The following AAAS variants were observed in gnomAD, a reference collection of about 807,000 sequenced individuals.
AAAS encodes the protein aladin WD repeat nucleoporin, also known as aladin.
AAAS carries 60 observed loss-of-function variants against 75.6 expected under a neutral mutation model. The observed-to-expected ratio is 0.79, with a 90% CI of 0.64 to 0.98. The LOEUF (loss-of-function observed/expected upper bound fraction) is 0.98, where lower values mean the gene tolerates loss of function less well. Among genes scored for constraint, AAAS ranks in the 50% least tolerant of loss-of-function variants. The probability of loss-of-function intolerance (pLI) is 0.00; values close to 1 mark genes in which losing one functional copy is unlikely to be tolerated. For synonymous variants in AAAS, 271 were observed against 265.0 expected (o/e 1.02, Z -0.22); for missense variants, 658 against 686.9 (o/e 0.96, Z 0.47).
chr12:53,314,879 T>C (rs769639208), intron 5 of AAAS, 30 bp from the exon 6 acceptor site: 1 of 1,596,250 alleles, frequency 6.3e-7, no homozygotes, highest in Admixed American at 1.7e-5. Context: ...GAAGAGTTCC[T>C]GCACCTATCC....
Position 53,309,274 on chromosome 12 carries a change from T to C in AAAS, c.818A>G (p.Asp273Gly), listed in dbSNP as rs372465790. 3.1e-6 allele frequency: 5 copies of C among 1,613,752 alleles called. No individual in the cohort carries two copies. In the African/African-American group the frequency reaches 6.7e-5, roughly 22 times the overall value. The change falls in exon 9 of 16, where the codon GAT (aspartate) becomes GGT (glycine). Residue 273 changes from aspartate to glycine, a missense_variant. Coordinates refer to ENST00000209873, the MANE Select transcript of AAAS (RefSeq NM_015665.6). Reference sequence around the variant, plus strand: ...GGGGACACAGGTCTCTGTTGAGACATCCCATACCTAGGAGAGTGGGGCAGG... The same window carrying C: ...GGGGACACAGGTCTCTGTTGAGACACCCCATACCTAGGAGAGTGGGGCAGG... ...SPVDAAIRVWDVSTETCVPLP... is the reference protein window; with the variant it reads ...SPVDAAIRVWGVSTETCVPLP...
intron 8 of AAAS, 143 bp from the exon 9 acceptor site, chr12:53,309,424 C>T: frequency 4.6e-6 from 7 of 1,508,998 alleles, no homozygotes; most frequent in Non-Finnish European, 6.4e-6. Context: ...TTCATGCTGA[C>T]AATTACAGAC....
chr12:53,319,394 C>T (rs978767350), intron 2 of AAAS, among the ~76,000 whole-genome samples: 2 of 152,104 alleles, frequency 1.3e-5, no homozygotes, highest in African/African-American at 2.4e-5. Context: ...AACATGGTTT[C>T]GCCATGTTCC....
intron 2 of AAAS, among the ~76,000 whole-genome samples, chr12:53,316,764 C>CAAAAAAAAAAAAAAAAAAAAA (rs34520642): frequency 2.6e-5 from 2 of 77,198 alleles, no homozygotes; most frequent in Non-Finnish European, 4.5e-5. Flanking sequence ...CCATCTCAGA[C>CAAAAAAAAAAAAAAAAAAAAA]AAAAAAAAAA....
chr12:53,320,736 C>A, intron 1 of AAAS, 44 bp from the exon 2 acceptor site: 1 of 1,608,798 alleles, frequency 6.2e-7, no homozygotes. Flanking sequence ...TCAGTCTCTT[C>A]CCAAATCTTT....
At chr12:53,315,049 G>T in intron 5 of AAAS, 45 bp downstream of exon 5, 1 of 1,609,044 alleles carries the variant, frequency 6.2e-7, no homozygotes, top group Non-Finnish European at 8.5e-7. Context: ...GAGTTTTGAG[G>T]TTCAGGACTT....
Position 53,308,351 on chromosome 12 carries a change from T to C in AAAS, c.1182-2A>G. The C allele has an allele frequency of 1.9e-6, 3 of 1,614,184 alleles. No individual in the cohort carries two copies. Among genetic ancestry groups the C allele is most frequent in the Non-Finnish European group, 2.5e-6 (3 of 1,180,022 alleles). ...ATGGAGTGAGCCTCTCCCCCAAGCC[T>C]GTGGGTAAGGACAGGTTAGGAGAGT... On this transcript the variant is annotated splice_acceptor_variant, in intron 12 of 15. Transcript: ENST00000209873. LOFTEE classifies it high-confidence loss of function.
rs1592525576 is a variant in AAAS at position 53,321,499 on chromosome 12, A to C, written c.-34T>G. ...TTCGCAGGACGTCTGCAGTCGGCAA[A>C]CTCCTGGCCGGAACGGCACAGACCG... On this transcript the variant is annotated 5_prime_UTR_variant, in exon 1 of 16. Transcript: ENST00000209873. The C allele has an allele frequency of 6.2e-7, 1 of 1,612,950 alleles. No individual in the cohort carries two copies. Among genetic ancestry groups the C allele is most frequent in the Non-Finnish European group, 8.5e-7 (1 of 1,179,816 alleles).
intron 1 of AAAS, 77 bp downstream of exon 1, chr12:53,321,266 C>CA: frequency 6.3e-7 from 1 of 1,577,524 alleles, no homozygotes; most frequent in Admixed American, 1.7e-5. Context: ...CTGCCCCTGT[C>CA]ACACTGCCTC....
intron 2 of AAAS, among the ~76,000 whole-genome samples, chr12:53,316,693 G>A (rs1402488573): frequency 6.7e-5 from 10 of 148,836 alleles, no homozygotes; most frequent in Middle Eastern, 3.4e-3. Context: ...CCCGGGAGGT[G>A]GCGATTGCAG....
At chr12:53,314,507 G>A (rs999029003) in intron 6 of AAAS, 66 bp from the exon 7 acceptor site, 3 of 1,602,762 alleles carry the variant, frequency 1.9e-6, no homozygotes, top group African/African-American at 2.7e-5. Flanking sequence ...CCAGAGTGCA[G>A]TTAAGGAGGG....
At chr12:53,309,479 T>C in intron 8 of AAAS, 122 bp downstream of exon 8, 1 of 1,566,408 alleles carries the variant, frequency 6.4e-7, no homozygotes, top group East Asian at 2.3e-5. Flanking sequence ...AGCTCCTCTC[T>C]GGGTAAGTTT....
chr12:53,309,948 A>AGGGTG (rs1944361115), intron 7 of AAAS: 1 of 630,652 alleles, frequency 1.6e-6, no homozygotes, highest in African/African-American at 1.8e-5. Flanking sequence ...GGTAATCTGC[A>AGGGTG]AGGTCTCAGG....
In AAAS at chr12:53,310,858, T is replaced by C. The variant is rs193095032; in HGVS notation, c.690-1137A>G. On this transcript the variant is annotated intron_variant, in intron 7 of 15. Transcript: ENST00000209873. ...CATCTCATTCTTTTCAGTGGCTCCA[T>C]TGTATACCACTCAATAGATGAACTA... Among the ~76,000 whole-genome samples, 89 of 152,376 alleles carry C rather than the reference T, an allele frequency of 5.8e-4. 1 individual carries two copies. The highest frequency in any genetic ancestry group is 1.9e-3 in the African/African-American group (80 of 41,592).
At chr12:53,316,550 C>G (rs563852976) in intron 2 of AAAS, among the ~76,000 whole-genome samples, 1 of 151,208 alleles carries the variant, frequency 6.6e-6, no homozygotes, top group Non-Finnish European at 1.5e-5. Flanking sequence ...GGGCGGATCA[C>G]GAGGTCAGGA....
rs2136822685 is a variant in AAAS at position 53,321,574 on chromosome 12, G to C, written c.-109C>G. On this transcript the variant is annotated 5_prime_UTR_variant, in exon 1 of 16. Transcript: ENST00000209873. ...CTAGATTCGTATGCGGACGGGTACC[G>C]CAAGGGACAAACGGCGAGGCGGAAC... The C allele has an allele frequency of 1.3e-6, 2 of 1,578,194 alleles. No individual in the cohort carries two copies. Among genetic ancestry groups the C allele is most frequent in the Non-Finnish European group, 1.7e-6 (2 of 1,158,592 alleles).
intron 2 of AAAS, among the ~76,000 whole-genome samples, chr12:53,318,088 T>C (rs929077079): frequency 6.6e-6 from 1 of 150,850 alleles, no homozygotes; most frequent in Non-Finnish European, 1.5e-5. Context: ...GAGTGCAATA[T>C]CACCATCACG....
chr12:53,316,769 AAAAAAAAAAAAAAAAAG>A (rs1246706074), intron 2 of AAAS, among the ~76,000 whole-genome samples: 3 of 146,960 alleles, frequency 2.0e-5, no homozygotes, highest in Middle Eastern at 3.6e-3. Context: ...TCAGACAAAA[AAAAAAAAAAAAAAAAAG>A]AAGAGAAAAA....
At position 53,314,954 on chromosome 12, in the gene AAAS, G is replaced by A. The variant is rs1447762160; in HGVS notation, c.447-105C>T. ...ACATGGTTTTTTCCTACTTTTTCTTGTATTCTTTTTTGGGGGAACAGGAGG... is the reference window on the plus strand; with the variant it reads ...ACATGGTTTTTTCCTACTTTTTCTTATATTCTTTTTTGGGGGAACAGGAGG... On this transcript the variant is annotated intron_variant, in intron 5 of 15. Transcript: ENST00000209873. 13 of 1,487,748 alleles carry A rather than the reference G, an allele frequency of 8.7e-6. No individual in the cohort carries two copies. The Admixed American group carries it at 9.0e-5, about 10-fold the overall frequency. 92.2% of individuals were successfully genotyped at this position (1,487,748 alleles called of 1,614,324 possible). A position where few individuals can be genotyped will look rare whatever the true frequency, so the allele number is the denominator to read the frequency against.
Sources: gnomAD v4.1 joint callset for allele counts (sites outside exome capture counted in the v4.1 genomes callset) on GRCh38, gnomAD v4.1.1 for gene constraint, MANE v1.5 for transcripts, NCBI Gene and HGNC (gene_info 2026-07-23, HGNC 2026-07-21) for gene names.